The following ESR1 variants were observed in gnomAD, a reference collection of about 807,000 sequenced individuals.
ESR1 encodes the protein estrogen receptor.
In ESR1, 12 loss-of-function variants were observed where a neutral mutation model predicts 52.7. The ratio of observed to expected loss-of-function variants is 0.23; its 90% CI spans 0.15 to 0.37. ESR1 has a LOEUF of 0.37. ESR1 is among the 10% of genes least tolerant of loss of function. The pLI, the probability that ESR1 is intolerant of heterozygous loss-of-function variation, is 1.00. For missense variants in ESR1, 584 were observed against 779.7 expected, an observed-to-expected ratio of 0.75 and a Z score of 2.99; for synonymous variants, 305 against 316.8, an observed-to-expected ratio of 0.96 and a Z score of 0.39.
At chr6:151,838,501 T>G (rs1783755235) in intron 1 of ESR1, among the ~76,000 whole-genome samples, 1 of 152,186 alleles carries the variant, frequency 6.6e-6, no homozygotes, top group African/African-American at 2.4e-5. Flanking sequence ...ATGGGCTGTG[T>G]TAGTCTGTAT....
chr6:151,661,395 C>T (rs1777634074), intron 1 of ESR1, among the ~76,000 whole-genome samples: 1 of 152,202 alleles, frequency 6.6e-6, no homozygotes, highest in South Asian at 2.1e-4. Flanking sequence ...CCCTAAGGTA[C>T]ATCTCCTGGT....
At chr6:152,088,815 GA>G (rs2049952043) in intron 6 of ESR1, among the ~76,000 whole-genome samples, 1 of 152,142 alleles carries the variant, frequency 6.6e-6, no homozygotes, top group Non-Finnish European at 1.5e-5. Flanking sequence ...ATAAACAACA[GA>G]AAATGGGCTA....
intron 2 of ESR1, among the ~76,000 whole-genome samples, chr6:151,775,559 A>G (rs1785894265): frequency 6.6e-6 from 1 of 152,044 alleles, no homozygotes. Flanking sequence ...CATCCTGGCT[A>G]ACACGGTGAA....
rs989352379 is a variant in ESR1 at position 151,765,918 on chromosome 6, C to T, written c.-70-41925C>T. On this transcript the variant is annotated intron_variant, in intron 2 of 2. Coordinates refer to the ESR1 transcript ENST00000404742. The stretch of plus-strand genomic sequence containing the variant: ...TTATCAAAATGCGTTGGTTTATGCA[C>T]ATCCGTGTTTTGGACATGGTGATTC... Among the ~76,000 whole-genome samples, 5 of 152,316 alleles carry T rather than the reference C, an allele frequency of 3.3e-5. No individual in the cohort carries two copies. The South Asian group carries it at 8.3e-4, about 25-fold the overall frequency.
At chr6:151,666,696 CCCTCCTCCTCCTCCTCCTCCTCCT>C (rs56871778) in intron 1 of ESR1, among the ~76,000 whole-genome samples, 8 of 97,396 alleles carry the variant, frequency 8.2e-5, no homozygotes, top group Non-Finnish European at 1.5e-4. Context: ...TTCCCCATCC[CCCTCCTCCTCCTCCTCCTCCTCCT>C]CCTCCTCCTC....
At chr6:151,952,182 T>C (rs964431234) in intron 4 of ESR1, among the ~76,000 whole-genome samples, 1 of 152,232 alleles carries the variant, frequency 6.6e-6, no homozygotes, top group Non-Finnish European at 1.5e-5. Context: ...TAGGACTTTA[T>C]TATCTAGCTT....
intron 3 of ESR1, among the ~76,000 whole-genome samples, chr6:151,910,375 T>C (rs569623166): frequency 6.6e-6 from 1 of 152,350 alleles, no homozygotes; most frequent in South Asian, 2.1e-4. Flanking sequence ...TTAACAATTA[T>C]AAATATATGA....
intron 1 of ESR1, among the ~76,000 whole-genome samples, chr6:151,828,958 A>T (rs758080606): frequency 3.3e-5 from 5 of 152,254 alleles, no homozygotes; most frequent in Non-Finnish European, 7.3e-5. Context: ...TGGATAGGAA[A>T]GTCAAGGAAG....
intron 5 of ESR1, among the ~76,000 whole-genome samples, chr6:152,036,806 A>G (rs369346999): frequency 2.2e-4 from 34 of 152,328 alleles, no homozygotes; most frequent in African/African-American, 7.9e-4. Context: ...AAGACAAGAT[A>G]CTGCTTCAAG....
chr6:151,740,657 C>T lies in ESR1; in HGVS notation c.-71+38652C>T, dbSNP rs147305821. On this transcript the variant is annotated intron_variant, in intron 2 of 2. Transcript: ENST00000404742. Reference sequence around the variant, plus strand: ...ATTTTTTTTACACAGTTTTTTGTAACGGAGCAAAATATTTTCAGAACTTGT... The same window carrying T: ...ATTTTTTTTACACAGTTTTTTGTAATGGAGCAAAATATTTTCAGAACTTGT... 2.2e-3 allele frequency among the ~76,000 whole-genome samples: 334 copies of T among 151,914 alleles called. 2 individuals carry two copies. Among genetic ancestry groups the T allele is most frequent in the African/African-American group, 7.1e-3 (296 of 41,406 alleles).
chr6:151,877,250 A>G (rs774095255), intron 2 of ESR1, among the ~76,000 whole-genome samples: 3 of 152,114 alleles, frequency 2.0e-5, no homozygotes, highest in Non-Finnish European at 4.4e-5. Flanking sequence ...TCCCGATGCT[A>G]TCTTAATGCA....
At chr6:151,862,995 G>A (rs9478248) in intron 2 of ESR1, among the ~76,000 whole-genome samples, 8,459 of 152,130 alleles carry the variant, frequency 0.056, 484 homozygotes, top group East Asian at 0.21. Context: ...ATGTTAAGCA[G>A]TACAACATTG....
chr6:151,683,991 C>T (rs951905861), intron 1 of ESR1, among the ~76,000 whole-genome samples: 6 of 151,454 alleles, frequency 4.0e-5, no homozygotes, highest in Admixed American at 2.6e-4. Flanking sequence ...GGATTACAGG[C>T]GTGAGCCACC....
intron 1 of ESR1, among the ~76,000 whole-genome samples, chr6:151,690,947 C>T (rs77159419): frequency 6.6e-6 from 1 of 152,182 alleles, no homozygotes; most frequent in Non-Finnish European, 1.5e-5. Flanking sequence ...CACACACAGG[C>T]TGCCTGTCTG....
At chr6:151,955,791 C>T (rs2128572938) in intron 4 of ESR1, among the ~76,000 whole-genome samples, 1 of 152,180 alleles carries the variant, frequency 6.6e-6, no homozygotes, top group Non-Finnish European at 1.5e-5. Context: ...ACTCATGGCT[C>T]GGGGCTTGGT....
At chr6:151,874,201 C>G (rs780403195) in intron 2 of ESR1, among the ~76,000 whole-genome samples, 3 of 152,106 alleles carry the variant, frequency 2.0e-5, no homozygotes, top group African/African-American at 7.2e-5. Flanking sequence ...CTTAATGGGA[C>G]GACACCTTTT....
chr6:151,983,225 T>A (rs992685325), intron 4 of ESR1, among the ~76,000 whole-genome samples: 2 of 152,190 alleles, frequency 1.3e-5, no homozygotes, highest in South Asian at 4.1e-4. Context: ...ATGAAGTGGG[T>A]CTTGAAAAAC....
chr6:151,846,185 G>T (rs1785079933), intron 2 of ESR1, among the ~76,000 whole-genome samples: 1 of 152,182 alleles, frequency 6.6e-6, no homozygotes, highest in African/African-American at 2.4e-5. Flanking sequence ...AGGAGGAAAG[G>T]CAGAGCGCGG....
intron 3 of ESR1, among the ~76,000 whole-genome samples, chr6:151,930,744 T>A (rs1039937722): frequency 2.6e-5 from 4 of 152,192 alleles, no homozygotes; most frequent in African/African-American, 9.7e-5. Flanking sequence ...TTCTCTGAAT[T>A]TTTGTCTGAT....
Sources: gnomAD v4.1 joint callset for allele counts (sites outside exome capture counted in the v4.1 genomes callset) on GRCh38, gnomAD v4.1.1 for gene constraint, MANE v1.5 for transcripts, NCBI Gene and HGNC (gene_info 2026-07-23, HGNC 2026-07-21) for gene names.